ASTN1: variants seen among roughly 807,000 people sequenced by gnomAD.
ASTN1 encodes astrotactin 1, also known as astrotactin-1.
In ASTN1, 41 loss-of-function variants were observed where a neutral mutation model predicts 140.7. The observed-to-expected ratio is 0.29, with a 90% CI of 0.23 to 0.38. The LOEUF is 0.38. ASTN1 is among the 10% of genes least tolerant of loss of function. The pLI, the probability that ASTN1 is intolerant of heterozygous loss-of-function variation, is 1.00. For missense variants in ASTN1, 1,479 were observed against 1,678.8 expected (o/e 0.88, Z 2.08); for synonymous variants, 640 against 652.2 (o/e 0.98, Z 0.29).
chr1:177,099,314 T>C (rs984508001), intron 1 of ASTN1, among the ~76,000 whole-genome samples: 3 of 152,164 alleles, frequency 2.0e-5, no homozygotes, highest in African/African-American at 7.2e-5. Flanking sequence ...ATAATCTTTT[T>C]TAAAGTCCTC....
chr1:177,072,287 T>A (rs1401590638), intron 1 of ASTN1, among the ~76,000 whole-genome samples: 1 of 152,228 alleles, frequency 6.6e-6, no homozygotes, highest in Non-Finnish European at 1.5e-5. Context: ...ATTAACCTAT[T>A]CACACTAGTG....
chr1:176,955,746 G>A (rs534599047), intron 11 of ASTN1, among the ~76,000 whole-genome samples: 1 of 152,330 alleles, frequency 6.6e-6, no homozygotes, highest in African/African-American at 2.4e-5. Context: ...CATCTGACAG[G>A]CAGACCCTGA....
intron 16 of ASTN1, among the ~76,000 whole-genome samples, chr1:176,922,225 T>A (rs1446967923): frequency 6.6e-5 from 10 of 152,146 alleles, no homozygotes; most frequent in Non-Finnish European, 1.3e-4. Flanking sequence ...CTGTTGAAAC[T>A]GGGTTGTTAA....
intron 3 of ASTN1, 65 bp downstream of exon 3, chr1:177,032,391 C>T: frequency 6.4e-7 from 1 of 1,564,858 alleles, no homozygotes; most frequent in Non-Finnish European, 8.7e-7. Flanking sequence ...ACAGCTGTTC[C>T]TACCCACTCC....
intron 19 of ASTN1, 124 bp from the exon 20 acceptor site, chr1:176,883,118 G>C (rs1348260692): frequency 7.4e-7 from 1 of 1,344,242 alleles, no homozygotes; most frequent in Non-Finnish European, 1.0e-6. Flanking sequence ...CTAGAGTAGA[G>C]AAGGAGACTT....
At chr1:176,985,596 T>G (rs1673853984) in intron 8 of ASTN1, among the ~76,000 whole-genome samples, 1 of 152,012 alleles carries the variant, frequency 6.6e-6, no homozygotes, top group Non-Finnish European at 1.5e-5. Flanking sequence ...GGTGGCTCCC[T>G]GGTACCAGCT....
rs771866088 is a variant in ASTN1 at position 176,965,254 on chromosome 1, C to A, written c.1524-17G>T. On this transcript the variant is annotated splice_polypyrimidine_tract_variant and intron_variant, in intron 8 of 22. Transcript: ENST00000361833. Reference sequence around the variant, plus strand: ...GGCCATGGCCTAAAAGAAGAAACATCATTCAATTAAATTCAACTCAACAAA... The same window carrying A: ...GGCCATGGCCTAAAAGAAGAAACATAATTCAATTAAATTCAACTCAACAAA... 1.4e-5 allele frequency: 22 copies of A among 1,612,576 alleles called. No individual in the cohort carries two copies. The African/African-American group carries it at 2.0e-4, about 15-fold the overall frequency.
chr1:177,041,357 G>T (rs1374142406), intron 2 of ASTN1, among the ~76,000 whole-genome samples: 5 of 152,226 alleles, frequency 3.3e-5, no homozygotes, highest in African/African-American at 1.2e-4. Context: ...GGATATCAGT[G>T]TGCATGCACA....
chr1:177,043,302 T>G (rs1677062830), intron 2 of ASTN1, among the ~76,000 whole-genome samples: 1 of 152,136 alleles, frequency 6.6e-6, no homozygotes. Context: ...ATAAACAGAC[T>G]GGGGAGAAAT....
chr1:176,858,759 ACT>A (rs144506064), downstream of ASTN1, among the ~76,000 whole-genome samples: 1 of 151,986 alleles, frequency 6.6e-6, no homozygotes, highest in Non-Finnish European at 1.5e-5. Context: ...GGCCAACCAC[ACT>A]CTCTCTTATT....
At position 177,082,957 on chromosome 1, in the gene ASTN1, G is replaced by A. The variant is rs368495665; in HGVS notation, c.284-21692C>T. On this transcript the variant is annotated intron_variant, in intron 1 of 22. Coordinates refer to ENST00000361833, the MANE Select transcript of ASTN1 (RefSeq NM_004319.3). The stretch of plus-strand genomic sequence containing the variant: ...TACATCCTGTCTGCATAAGGCACAT[G>A]TGGATGTTCTCTGTAGAAAATACAC... 1.7e-4 allele frequency among the ~76,000 whole-genome samples: 26 copies of A among 152,230 alleles called. No homozygotes were observed. The East Asian group carries it at 3.9e-3, about 23-fold the overall frequency.
Position 177,045,662 on chromosome 1 carries a change from A to G in ASTN1, c.472-12813T>C, listed in dbSNP as rs1677180151. 5.3e-5 allele frequency among the ~76,000 whole-genome samples: 8 copies of G among 152,162 alleles called. No individual in the cohort carries two copies. The South Asian group carries it at 1.5e-3, about 28-fold the overall frequency. On this transcript the variant is annotated intron_variant, in intron 2 of 22. Transcript: ENST00000361833. ...GCGTGTGAGGACTTCTCTTCACCCA[A>G]CCTCACTCTAGCTCCTACCTTTTGG...
intron 1 of ASTN1, among the ~76,000 whole-genome samples, chr1:177,085,111 A>G (rs1227482965): frequency 6.6e-6 from 1 of 152,216 alleles, no homozygotes; most frequent in Non-Finnish European, 1.5e-5. Context: ...GGCTGGTACT[A>G]GTCCATACCA....
At chr1:176,915,974 G>T (rs1472369076) in intron 16 of ASTN1, among the ~76,000 whole-genome samples, 1 of 152,136 alleles carries the variant, frequency 6.6e-6, no homozygotes, top group East Asian at 1.9e-4. Context: ...TTACAAACCC[G>T]AAACTTGCCC....
At chr1:177,148,167 C>G (rs1682801781) in intron 1 of ASTN1, among the ~76,000 whole-genome samples, 1 of 152,094 alleles carries the variant, frequency 6.6e-6, no homozygotes, top group Admixed American at 6.5e-5. Flanking sequence ...GCCTGTAATC[C>G]CAGCACTTTG....
intron 1 of ASTN1, among the ~76,000 whole-genome samples, chr1:177,071,240 GC>G (rs1294506035): frequency 6.6e-6 from 1 of 152,170 alleles, no homozygotes; most frequent in Non-Finnish European, 1.5e-5. Flanking sequence ...GGGATGCCAT[GC>G]TATCTAGGCC....
At position 177,089,956 on chromosome 1, in the gene ASTN1, A is replaced by C. The variant is rs568045945; in HGVS notation, c.284-28691T>G. On this transcript the variant is annotated intron_variant, in intron 1 of 22. Coordinates refer to ENST00000361833, the MANE Select transcript of ASTN1 (RefSeq NM_004319.3). ...TCCAACATCAAAACCATCAGTTGTC[A>C]ATATGTTAATCTGGCCTTACTCACA... Among the ~76,000 whole-genome samples, 7 of 152,176 alleles carry C rather than the reference A, an allele frequency of 4.6e-5. No individual in the cohort carries two copies. The South Asian group carries it at 8.3e-4, about 18-fold the overall frequency.
chr1:177,113,705 C>T (rs750577155), intron 1 of ASTN1, among the ~76,000 whole-genome samples: 27 of 152,268 alleles, frequency 1.8e-4, no homozygotes, highest in Admixed American at 3.9e-4. Context: ...TGGGGCCCTC[C>T]GAACCTTGCT....
intron 8 of ASTN1, among the ~76,000 whole-genome samples, chr1:176,985,883 C>CAA (rs1310308569): frequency 7.3e-5 from 11 of 150,838 alleles, no homozygotes; most frequent in Admixed American, 1.3e-4. Context: ...CACACACACA[C>CAA]ACACACACAC....
Sources: gnomAD v4.1 joint callset for allele counts (sites outside exome capture counted in the v4.1 genomes callset) on GRCh38, gnomAD v4.1.1 for gene constraint, MANE v1.5 for transcripts, NCBI Gene and HGNC (gene_info 2026-07-23, HGNC 2026-07-21) for gene names.